B3GALT1: variants seen among roughly 807,000 people sequenced by gnomAD.
The protein encoded by B3GALT1 is beta-1,3-galactosyltransferase 1.
B3GALT1 carries 10 observed loss-of-function variants against 23.2 expected under a neutral mutation model. The observed-to-expected ratio is 0.43, with a 90% CI of 0.27 to 0.73. The LOEUF (loss-of-function observed/expected upper bound fraction) is 0.73, where lower values mean the gene tolerates loss of function less well. Ranked by LOEUF, B3GALT1 falls within the 30% of genes least tolerant of loss-of-function variation. The pLI is 0.21. For synonymous variants in B3GALT1, 156 were observed against 141.5 expected (o/e 1.10, Z -0.73); for missense variants, 299 against 405.4 (o/e 0.74, Z 2.25).
At chr2:167,468,249 A>G (rs138794461) in intron 1 of B3GALT1, among the ~76,000 whole-genome samples, 61 of 152,314 alleles carry the variant, frequency 4.0e-4, no homozygotes, top group Non-Finnish European at 7.5e-4. Flanking sequence ...AGAGTGGGCT[A>G]TAAAATGGTT....
At chr2:167,524,089 A>G (rs1683181700) in intron 2 of B3GALT1, among the ~76,000 whole-genome samples, 1 of 152,206 alleles carries the variant, frequency 6.6e-6, no homozygotes, top group Non-Finnish European at 1.5e-5. Context: ...TTGTACCAGT[A>G]GTTCACCAGA....
intron 2 of B3GALT1, among the ~76,000 whole-genome samples, chr2:167,636,962 A>G (rs1685566658): frequency 6.6e-6 from 1 of 152,028 alleles, no homozygotes; most frequent in Admixed American, 6.6e-5. Flanking sequence ...TGTTCTGCAC[A>G]AGTATCCCAG....
In B3GALT1 at chr2:167,853,664, G is replaced by C. The variant is rs182600898; in HGVS notation, c.-229-15147G>C. Among the ~76,000 whole-genome samples, 721 of 152,208 alleles carry C rather than the reference G, an allele frequency of 4.7e-3. 5 individuals are homozygous for C. The highest frequency in any genetic ancestry group is 0.024 in the Middle Eastern group (7 of 294). On this transcript the variant is annotated intron_variant, in intron 4 of 4. Coordinates refer to ENST00000392690, the MANE Select transcript of B3GALT1 (RefSeq NM_020981.4). ...TTTTCAGTACCAAAAAATGGAAAAA[G>C]AATAACAAGTTGTCAGCATGTCTCC...
chr2:167,568,845 A>G (rs1180433510), intron 2 of B3GALT1, among the ~76,000 whole-genome samples: 1 of 151,632 alleles, frequency 6.6e-6, no homozygotes, highest in Non-Finnish European at 1.5e-5. Flanking sequence ...GTTATTTTTG[A>G]GGATTTTTAT....
At chr2:167,408,383 C>T (rs1698341516) in intron 1 of B3GALT1, among the ~76,000 whole-genome samples, 1 of 152,038 alleles carries the variant, frequency 6.6e-6, no homozygotes, top group Non-Finnish European at 1.5e-5. Flanking sequence ...TAATAAGGGC[C>T]ATATGTGACA....
chr2:167,632,652 T>A (rs539345110), intron 2 of B3GALT1, among the ~76,000 whole-genome samples: 1 of 152,226 alleles, frequency 6.6e-6, no homozygotes, highest in South Asian at 2.1e-4. Context: ...CGTTTGTTTT[T>A]TTCTTGTGAA....
intron 4 of B3GALT1, among the ~76,000 whole-genome samples, chr2:167,834,253 T>A (rs1339500042): frequency 6.6e-6 from 1 of 152,200 alleles, no homozygotes; most frequent in Admixed American, 6.5e-5. Context: ...GTCTTCTGTA[T>A]AAACATCTGT....
intron 2 of B3GALT1, among the ~76,000 whole-genome samples, chr2:167,553,005 T>C (rs1683776116): frequency 6.6e-6 from 1 of 152,200 alleles, no homozygotes; most frequent in Admixed American, 6.5e-5. Flanking sequence ...TTGGTACACA[T>C]CTTCGGGGGG....
intron 1 of B3GALT1, among the ~76,000 whole-genome samples, chr2:167,436,925 G>A (rs1698794696): frequency 6.6e-6 from 1 of 152,168 alleles, no homozygotes; most frequent in Admixed American, 6.5e-5. Context: ...ACACTATGCA[G>A]ACATAAATGG....
chr2:167,866,168 C>T (rs1690213935), intron 4 of B3GALT1, among the ~76,000 whole-genome samples: 3 of 152,172 alleles, frequency 2.0e-5, no homozygotes. Flanking sequence ...ATAGCATCTT[C>T]CCCAGGACTC....
At chr2:167,501,048 A>G (rs1699841609) in intron 2 of B3GALT1, among the ~76,000 whole-genome samples, 1 of 152,134 alleles carries the variant, frequency 6.6e-6, no homozygotes, top group Non-Finnish European at 1.5e-5. Flanking sequence ...ATAGACATTT[A>G]ACGAATCAAT....
chr2:167,466,558 A>G (rs569866690), intron 1 of B3GALT1, among the ~76,000 whole-genome samples: 138 of 141,808 alleles, frequency 9.7e-4, no homozygotes, highest in Admixed American at 2.1e-3. Flanking sequence ...AGGAGGAGGT[A>G]GCAGTGAGCT....
chr2:167,724,989 A>G (rs2105259602), intron 3 of B3GALT1, among the ~76,000 whole-genome samples: 1 of 152,216 alleles, frequency 6.6e-6, no homozygotes, highest in East Asian at 1.9e-4. Flanking sequence ...CAGTTTTATT[A>G]TTCAGAAATG....
At chr2:167,395,747 G>A (rs1191874057) in intron 1 of B3GALT1, among the ~76,000 whole-genome samples, 1 of 151,908 alleles carries the variant, frequency 6.6e-6, no homozygotes, top group Non-Finnish European at 1.5e-5. Flanking sequence ...GAAAACAGAT[G>A]CTTCCTTGGA....
At position 167,871,875 on chromosome 2, in the gene B3GALT1, CTTTTTTATTTA is replaced by C. The variant is rs1690355417; in HGVS notation, c.*1859_*1869del. ...AAGCCCCACAGCTGAAAGAGTGTAC[CTTTTTTATTTA>C]TTTACTTTTTTTTTTTTTTTTTTTT... On this transcript the variant is annotated 3_prime_UTR_variant, in exon 5 of 5. Coordinates refer to ENST00000392690, the MANE Select transcript of B3GALT1 (RefSeq NM_020981.4). The C allele has an allele frequency of 7.8e-6, 1 of 127,874 alleles. No individual in the cohort carries two copies. The highest frequency in any genetic ancestry group is 1.8e-5 in the Non-Finnish European group (1 of 56,822). 7.9% of individuals were successfully genotyped at this position (127,874 alleles called of 1,614,324 possible).
chr2:167,752,197 T>C (rs554123947), intron 3 of B3GALT1, among the ~76,000 whole-genome samples: 1 of 152,200 alleles, frequency 6.6e-6, no homozygotes, highest in Admixed American at 6.5e-5. Flanking sequence ...AGCAGCACAA[T>C]AGCTATTATG....
chr2:167,411,020 CAAAAT>C (rs1486147230), intron 1 of B3GALT1, among the ~76,000 whole-genome samples: 1 of 150,708 alleles, frequency 6.6e-6, no homozygotes, highest in Non-Finnish European at 1.5e-5. Context: ...GATACCCATA[CAAAAT>C]AAAGTTTGAA....
intron 1 of B3GALT1, among the ~76,000 whole-genome samples, chr2:167,388,863 A>C (rs972280477): frequency 3.3e-5 from 5 of 152,158 alleles, no homozygotes; most frequent in Admixed American, 2.6e-4. Flanking sequence ...AACCAAGAAA[A>C]GCCATCTCTA....
chr2:167,580,786 A>G (rs1684470591), intron 2 of B3GALT1, among the ~76,000 whole-genome samples: 2 of 152,260 alleles, frequency 1.3e-5, no homozygotes, highest in Admixed American at 6.5e-5. Context: ...AGGATACACT[A>G]CTGGTCTCCA....
Sources: gnomAD v4.1 joint callset for allele counts (sites outside exome capture counted in the v4.1 genomes callset) on GRCh38, gnomAD v4.1.1 for gene constraint, MANE v1.5 for transcripts, NCBI Gene and HGNC (gene_info 2026-07-23, HGNC 2026-07-21) for gene names.